SLC38A9: variants seen among roughly 807,000 people sequenced by gnomAD.
SLC38A9 encodes the protein solute carrier family 38 member 9, also known as neutral amino acid transporter 9.
SLC38A9 carries 48 observed loss-of-function variants against 62.3 expected under a neutral mutation model. That is an observed-to-expected ratio of 0.77 (90% CI 0.61 to 0.98). The LOEUF (loss-of-function observed/expected upper bound fraction) is 0.98, where lower values mean the gene tolerates loss of function less well. Among genes scored for constraint, SLC38A9 ranks in the 50% least tolerant of loss-of-function variants. The pLI is 0.00. For missense variants in SLC38A9, 541 were observed against 679.8 expected, an observed-to-expected ratio of 0.80 and a Z score of 2.27; for synonymous variants, 204 against 227.7, an observed-to-expected ratio of 0.90 and a Z score of 0.94.
chr5:55,644,268 A>G (rs1285225263), intron 12 of SLC38A9, among the ~76,000 whole-genome samples: 1 of 151,894 alleles, frequency 6.6e-6, no homozygotes, highest in Non-Finnish European at 1.5e-5. Flanking sequence ...GCCTCTTTTA[A>G]TCTTTTAACT....
intron 13 of SLC38A9, 37 bp from the exon 14 acceptor site, chr5:55,633,939 C>G: frequency 6.8e-7 from 1 of 1,480,600 alleles, no homozygotes; most frequent in Non-Finnish European, 9.3e-7. Context: ...TGTTAAAAAT[C>G]AAATTCAGTA....
At position 55,660,590 on chromosome 5, in the gene SLC38A9, T is replaced by A. The variant is rs562915257; in HGVS notation, c.698-3816A>T. Among the ~76,000 whole-genome samples the A allele has an allele frequency of 4.1e-4, 62 of 152,356 alleles. 1 individual carries two copies. Among genetic ancestry groups the A allele is most frequent in the African/African-American group, 1.4e-3 (58 of 41,596 alleles). On this transcript the variant is annotated intron_variant, in intron 8 of 15. Coordinates refer to ENST00000396865, the MANE Select transcript of SLC38A9 (RefSeq NM_173514.4). ...CTTGTTTATTTCAATGAATAAATTC[T>A]ATCTAAAAGAAGAACTATACATATA...
intron 3 of SLC38A9, chr5:55,692,586 T>C (rs935030383): frequency 1.0e-6 from 1 of 979,432 alleles, no homozygotes; most frequent in Non-Finnish European, 1.2e-6. Context: ...TAAAACATGC[T>C]TACCTAGGTA....
At chr5:55,708,066 A>G (rs1485927488) in intron 2 of SLC38A9, among the ~76,000 whole-genome samples, 1 of 152,198 alleles carries the variant, frequency 6.6e-6, no homozygotes, top group East Asian at 1.9e-4. Flanking sequence ...TAAATTACCT[A>G]GCCTCAAGTA....
At chr5:55,632,679 T>C (rs1561299647) in intron 14 of SLC38A9, among the ~76,000 whole-genome samples, 1 of 152,108 alleles carries the variant, frequency 6.6e-6, no homozygotes, top group Non-Finnish European at 1.5e-5. Flanking sequence ...AACCTAAAAA[T>C]ATCACTCCAA....
intron 7 of SLC38A9, among the ~76,000 whole-genome samples, chr5:55,665,649 G>A (rs758554537): frequency 1.1e-4 from 16 of 151,798 alleles, no homozygotes; most frequent in Non-Finnish European, 1.8e-4. Flanking sequence ...TCTAGCAACC[G>A]AAGAAACAAA....
intron 2 of SLC38A9, among the ~76,000 whole-genome samples, chr5:55,705,510 A>C (rs779818352): frequency 6.6e-6 from 1 of 151,850 alleles, no homozygotes; most frequent in Non-Finnish European, 1.5e-5. Context: ...ATTTGTCCTA[A>C]ATCACTAAGC....
intron 2 of SLC38A9, among the ~76,000 whole-genome samples, chr5:55,706,045 G>T (rs1397488006): frequency 2.0e-5 from 3 of 152,174 alleles, no homozygotes; most frequent in Admixed American, 2.0e-4. Context: ...GGGCTAGAAT[G>T]AGTGAAATTT....
At chr5:55,678,471 T>A (rs1752510450) in intron 3 of SLC38A9, among the ~76,000 whole-genome samples, 1 of 151,850 alleles carries the variant, frequency 6.6e-6, no homozygotes, top group African/African-American at 2.4e-5. Context: ...CAGTATTAAA[T>A]CAATGAAAAC....
At chr5:55,710,786 TG>T (rs1466429168) in intron 2 of SLC38A9, among the ~76,000 whole-genome samples, 6 of 151,762 alleles carry the variant, frequency 4.0e-5, no homozygotes, top group African/African-American at 1.5e-4. Context: ...TGGCTAATTT[TG>T]GTATTTTTTT....
At chr5:55,678,870 A>G (rs1297470256) in intron 3 of SLC38A9, among the ~76,000 whole-genome samples, 1 of 151,538 alleles carries the variant, frequency 6.6e-6, no homozygotes, top group African/African-American at 2.4e-5. Flanking sequence ...TATATTGCCC[A>G]GGTTGGTCTT....
At chr5:55,656,112 T>G (rs1205270233) in intron 9 of SLC38A9, among the ~76,000 whole-genome samples, 1 of 151,670 alleles carries the variant, frequency 6.6e-6, no homozygotes, top group Non-Finnish European at 1.5e-5. Flanking sequence ...TACTGATTAT[T>G]CACAGGCAAA....
Position 55,663,278 on chromosome 5 carries a change from A to G in SLC38A9, c.697+1415T>C, listed in dbSNP as rs555167303. ...AGGTAGAAACTAGTCTGGGCAACAT[A>G]CTGATACTCTGTCTCTACAAAAAAA... On this transcript the variant is annotated intron_variant, in intron 8 of 15. Transcript: ENST00000396865. Among the ~76,000 whole-genome samples, 4 of 126,498 alleles carry G rather than the reference A, an allele frequency of 3.2e-5. No individual in the cohort carries two copies. In the East Asian group the frequency reaches 1.0e-3, roughly 32 times the overall value. 83.0% of individuals were successfully genotyped at this position (126,498 alleles called of 152,430 possible).
rs769960544 is a variant in SLC38A9, at chr5:55,652,646, G to A, written c.835C>T (p.Gln279Ter). The A allele has an allele frequency of 6.2e-7, 1 of 1,613,674 alleles. No homozygotes were observed. Among genetic ancestry groups the A allele is most frequent in the South Asian group, 1.1e-5 (1 of 91,034 alleles). ...TTATCCCACCACTTTTCAAACTGTT[G>A]GGCTCCTGTGTCATTGGCATAGAAA... ...MIFYANDTGA[Q>*]QFEKWWDKSR... The change falls in exon 10 of 16, where the codon CAA becomes TAA. Residue 279 changes from glutamine to a stop codon, truncating the protein, a stop_gained. Transcript: ENST00000396865. LOFTEE classifies it high-confidence loss of function.
intron 4 of SLC38A9, among the ~76,000 whole-genome samples, chr5:55,671,331 A>C (rs1161099781): frequency 6.6e-6 from 1 of 151,850 alleles, no homozygotes; most frequent in African/African-American, 2.4e-5. Flanking sequence ...TAATTTTATA[A>C]ATTTTATAAT....
At position 55,669,603 on chromosome 5, in the gene SLC38A9, G is replaced by A; in HGVS notation, c.386C>T (p.Thr129Ile). The A allele has an allele frequency of 6.2e-7, 1 of 1,608,464 alleles. No individual in the cohort carries two copies. Among genetic ancestry groups the A allele is most frequent in the Non-Finnish European group, 8.5e-7 (1 of 1,176,118 alleles). Residue 129 changes from threonine to isoleucine, a missense_variant, in exon 6 of 16, where the codon ACC becomes ATC. By Grantham distance (89) the Thr-to-Ile change is moderately conservative. Transcript: ENST00000396865. ...SLVTIFMIWN[T>I]MMGTSILSIP... ...GCTTAGTATAGATGTTCCCATCATG[G>A]TATTCCAAATCATAAAACTGAAAAC...
intron 3 of SLC38A9, among the ~76,000 whole-genome samples, chr5:55,674,995 A>C (rs903951006): frequency 6.6e-6 from 1 of 152,228 alleles, no homozygotes; most frequent in African/African-American, 2.4e-5. Context: ...GCCCTACAAA[A>C]TTCAAGAAAG....
At chr5:55,634,972 CTCTTT>C (rs1744097913) in intron 13 of SLC38A9, 2 of 147,964 alleles carry the variant, frequency 1.4e-5, no homozygotes, top group East Asian at 3.9e-4. Context: ...TACTCTGTCT[CTCTTT>C]TTTTTTTTTT....
At chr5:55,704,951 A>C (rs1757103496) in intron 2 of SLC38A9, among the ~76,000 whole-genome samples, 1 of 152,236 alleles carries the variant, frequency 6.6e-6, no homozygotes, top group Non-Finnish European at 1.5e-5. Context: ...GATAATACAT[A>C]TAATGTGGCT....
Sources: gnomAD v4.1 joint callset for allele counts (sites outside exome capture counted in the v4.1 genomes callset) on GRCh38, gnomAD v4.1.1 for gene constraint, MANE v1.5 for transcripts, NCBI Gene and HGNC (gene_info 2026-07-23, HGNC 2026-07-21) for gene names.